IMMP2L: variants seen among roughly 807,000 people sequenced by gnomAD.
IMMP2L encodes inner mitochondrial membrane peptidase subunit 2.
In IMMP2L, 18 loss-of-function variants were observed where a neutral mutation model predicts 19.3. The ratio of observed to expected loss-of-function variants is 0.93; its 90% confidence interval spans 0.64 to 1.38. The LOEUF (loss-of-function observed/expected upper bound fraction) is 1.38. Among genes scored for constraint, IMMP2L ranks in the 40% most tolerant of loss-of-function variants. The pLI is 0.00. For missense variants in IMMP2L, 233 were observed against 218.2 expected, an observed-to-expected ratio of 1.07 and a Z score of -0.43; for synonymous variants, 76 against 73.0, an observed-to-expected ratio of 1.04 and a Z score of -0.21.
chr7:111,409,314 T>C (rs1834167327), intron 3 of IMMP2L, among the ~76,000 whole-genome samples: 2 of 151,634 alleles, frequency 1.3e-5, no homozygotes, highest in South Asian at 4.2e-4. Flanking sequence ...TCAATATGGT[T>C]ATCAGCCCAC....
chr7:111,225,691 CA>C lies in IMMP2L; in HGVS notation c.239+261546del, dbSNP rs36112021. Reference sequence around the variant, plus strand: ...TCCAGTCAAAATGGTGAGATAGAGCCAAAAAAAAAAAAAAAAAAGAATGGGT... The same window carrying C: ...TCCAGTCAAAATGGTGAGATAGAGCCAAAAAAAAAAAAAAAAAGAATGGGT... On this transcript the variant is annotated intron_variant, in intron 3 of 5. Coordinates refer to ENST00000405709, the MANE Select transcript of IMMP2L (RefSeq NM_032549.4). Among the ~76,000 whole-genome samples the C allele has an allele frequency of 7.5e-3, 847 of 112,612 alleles. 5 individuals are homozygous for C. Among genetic ancestry groups the C allele is most frequent in the African/African-American group, 0.023 (703 of 30,560 alleles). The allele number at this position is 112,612 out of a possible 152,430, so 73.9% of individuals were successfully genotyped here.
chr7:110,950,130 A>AT (rs1253757680), intron 4 of IMMP2L, among the ~76,000 whole-genome samples: 2 of 152,044 alleles, frequency 1.3e-5, no homozygotes, highest in South Asian at 2.1e-4. Flanking sequence ...CTTTGAGTTG[A>AT]TTTTTTGTGT....
chr7:111,491,568 A>G (rs1218431880), intron 2 of IMMP2L, among the ~76,000 whole-genome samples: 1 of 152,130 alleles, frequency 6.6e-6, no homozygotes, highest in Non-Finnish European at 1.5e-5. Flanking sequence ...TGAGGAACAG[A>G]GTTGATATGG....
intron 3 of IMMP2L, among the ~76,000 whole-genome samples, chr7:111,392,620 TA>T (rs1389850205): frequency 6.6e-6 from 1 of 152,136 alleles, no homozygotes; most frequent in African/African-American, 2.4e-5. Context: ...TTAATTCTGA[TA>T]ATAACAACCA....
chr7:110,761,283 C>T (rs1798334487), intron 5 of IMMP2L, among the ~76,000 whole-genome samples: 1 of 152,120 alleles, frequency 6.6e-6, no homozygotes, highest in Non-Finnish European at 1.5e-5. Context: ...AGCCATTCCT[C>T]TTTATCTACC....
chr7:110,747,374 G>A (rs980277301), intron 5 of IMMP2L, among the ~76,000 whole-genome samples: 1 of 152,142 alleles, frequency 6.6e-6, no homozygotes, highest in Non-Finnish European at 1.5e-5. Flanking sequence ...AACAGAAAAA[G>A]AGGGAATCCT....
At chr7:111,243,448 T>A (rs1159444966) in intron 3 of IMMP2L, among the ~76,000 whole-genome samples, 1 of 151,950 alleles carries the variant, frequency 6.6e-6, no homozygotes, top group Non-Finnish European at 1.5e-5. Context: ...ATGTTTTACA[T>A]ATATAATTTT....
chr7:110,932,922 T>C (rs553108058), intron 4 of IMMP2L, among the ~76,000 whole-genome samples: 3 of 152,138 alleles, frequency 2.0e-5, no homozygotes, highest in South Asian at 2.1e-4. Flanking sequence ...ATGCCTGCAA[T>C]AGGAGGGTGA....
At chr7:111,271,418 A>G (rs950806942) in intron 3 of IMMP2L, among the ~76,000 whole-genome samples, 3 of 152,148 alleles carry the variant, frequency 2.0e-5, no homozygotes, top group Non-Finnish European at 4.4e-5. Flanking sequence ...CTGCTTTTGG[A>G]GTAAAATAAT....
intron 3 of IMMP2L, among the ~76,000 whole-genome samples, chr7:111,063,401 GC>G (rs1794204608): frequency 6.6e-6 from 1 of 152,148 alleles, no homozygotes; most frequent in African/African-American, 2.4e-5. Flanking sequence ...AGGCTGCTGG[GC>G]CTGTGATGGG....
intron 4 of IMMP2L, among the ~76,000 whole-genome samples, chr7:110,902,395 T>TA (rs67908692): frequency 2.5e-4 from 37 of 147,786 alleles, no homozygotes; most frequent in Middle Eastern, 3.6e-3. Flanking sequence ...CATACTCCTT[T>TA]AAAAAAAAAA....
At chr7:111,172,675 AC>A (rs1806581834) in intron 3 of IMMP2L, among the ~76,000 whole-genome samples, 1 of 151,416 alleles carries the variant, frequency 6.6e-6, no homozygotes, top group Non-Finnish European at 1.5e-5. Flanking sequence ...TCCTCAAGTA[AC>A]CACTATTCTA....
At chr7:110,919,414 C>T (rs1269789970) in intron 4 of IMMP2L, among the ~76,000 whole-genome samples, 1 of 152,124 alleles carries the variant, frequency 6.6e-6, no homozygotes, top group Non-Finnish European at 1.5e-5. Flanking sequence ...TTAGAAAGAG[C>T]AGAATCAGCA....
chr7:111,147,230 G>A (rs1803575911), intron 3 of IMMP2L, among the ~76,000 whole-genome samples: 1 of 151,944 alleles, frequency 6.6e-6, no homozygotes, highest in Non-Finnish European at 1.5e-5. Flanking sequence ...TGTTGTTGCT[G>A]TTGTTGTTGT....
chr7:111,070,970 T>C (rs1264399326), intron 3 of IMMP2L, among the ~76,000 whole-genome samples: 1 of 152,142 alleles, frequency 6.6e-6, no homozygotes, highest in East Asian at 1.9e-4. Context: ...TAACATGATG[T>C]TATATATTAC....
intron 3 of IMMP2L, among the ~76,000 whole-genome samples, chr7:111,056,571 A>T (rs1793528282): frequency 6.6e-6 from 1 of 152,152 alleles, no homozygotes; most frequent in South Asian, 2.1e-4. Context: ...AGAGTTGCTG[A>T]CTCTGCACTA....
At chr7:111,326,226 A>T (rs993193705) in intron 3 of IMMP2L, among the ~76,000 whole-genome samples, 1 of 151,792 alleles carries the variant, frequency 6.6e-6, no homozygotes, top group African/African-American at 2.4e-5. Flanking sequence ...CTCAATTGAG[A>T]TATAAATTAT....
chr7:111,429,722 G>C (rs1836443806), intron 3 of IMMP2L, among the ~76,000 whole-genome samples: 1 of 151,794 alleles, frequency 6.6e-6, no homozygotes, highest in Non-Finnish European at 1.5e-5. Context: ...ACTAAATTTT[G>C]CCTTTCAAAG....
intron 3 of IMMP2L, among the ~76,000 whole-genome samples, chr7:111,470,631 A>T (rs902794650): frequency 5.4e-5 from 8 of 149,038 alleles, no homozygotes; most frequent in Non-Finnish European, 1.2e-4. Context: ...GGACAAAAAA[A>T]CCAAACACCG....
Sources: gnomAD v4.1 joint callset for allele counts (sites outside exome capture counted in the v4.1 genomes callset) on GRCh38, gnomAD v4.1.1 for gene constraint, MANE v1.5 for transcripts, NCBI Gene and HGNC (gene_info 2026-07-23, HGNC 2026-07-21) for gene names.